Variants in PDE10A observed in about 807,000 individuals in gnomAD.
PDE10A encodes the protein cAMP and cAMP-inhibited cGMP 3',5'-cyclic phosphodiesterase 10A.
A neutral mutation model predicts 97.7 loss-of-function variants in PDE10A; 39 were observed. That is an observed-to-expected ratio of 0.40 (90% confidence interval 0.31 to 0.52). PDE10A has a LOEUF of 0.52. Ranked by LOEUF, PDE10A falls within the 20% of genes least tolerant of loss-of-function variation. PDE10A has a pLI of 0.56. For missense variants in PDE10A, 731 were observed against 1,047.8 expected (o/e 0.70, Z 4.17); for synonymous variants, 371 against 376.8 (o/e 0.98, Z 0.18).
chr6:165,793,701 G>T (rs573293768), intron 1 of PDE10A, among the ~76,000 whole-genome samples: 1 of 152,188 alleles, frequency 6.6e-6, no homozygotes. Flanking sequence ...TTGGCCAAGT[G>T]GTGGCACTTA....
intron 2 of PDE10A, among the ~76,000 whole-genome samples, chr6:165,521,116 T>A (rs1158325658): frequency 1.3e-5 from 2 of 152,196 alleles, no homozygotes; most frequent in Non-Finnish European, 2.9e-5. Flanking sequence ...CATCATTATA[T>A]CTGTTATAGT....
At chr6:165,927,075 TG>T (rs1159637015) in intron 1 of PDE10A, among the ~76,000 whole-genome samples, 2 of 20,732 alleles carry the variant, frequency 9.6e-5, no homozygotes, top group East Asian at 1.2e-3. Flanking sequence ...TGGGGCCTGT[TG>T]GGGGGTGGGG....
At chr6:165,592,110 A>C (rs1461371901) in intron 1 of PDE10A, among the ~76,000 whole-genome samples, 4 of 152,204 alleles carry the variant, frequency 2.6e-5, no homozygotes, top group African/African-American at 9.7e-5. Flanking sequence ...AAACAGATAT[A>C]TATAGACCAA....
intron 1 of PDE10A, among the ~76,000 whole-genome samples, chr6:165,553,709 C>A (rs1784122472): frequency 6.6e-6 from 1 of 152,164 alleles, no homozygotes; most frequent in African/African-American, 2.4e-5. Context: ...AAGATAAATT[C>A]CATACTGCTG....
rs139258159 is a variant in PDE10A, at chr6:165,458,662, G to C, written c.1024-8300C>G. On this transcript the variant is annotated intron_variant, in intron 3 of 21. Transcript: ENST00000539869. ...CAATCTTTCTCTCCACACATGGACA[G>C]GCGCACGCACACACACACACACTCA... 2.2e-4 allele frequency among the ~76,000 whole-genome samples: 33 copies of C among 151,402 alleles called. 1 individual carries two copies. In the East Asian group the frequency reaches 5.4e-3, roughly 25 times the overall value.
intron 1 of PDE10A, among the ~76,000 whole-genome samples, chr6:165,646,008 C>G (rs1373254367): frequency 1.3e-5 from 2 of 152,144 alleles, no homozygotes; most frequent in Admixed American, 1.3e-4. Context: ...GGCAAAATAA[C>G]CCAGCAAGAC....
At chr6:165,358,497 A>C (rs1783178507) in intron 18 of PDE10A, among the ~76,000 whole-genome samples, 1 of 139,642 alleles carries the variant, frequency 7.2e-6, no homozygotes, top group Non-Finnish European at 1.5e-5. Flanking sequence ...TACAATTTTA[A>C]TATAGGTACA....
intron 1 of PDE10A, among the ~76,000 whole-genome samples, chr6:165,575,621 C>A (rs1785264302): frequency 6.6e-6 from 1 of 152,172 alleles, no homozygotes; most frequent in Non-Finnish European, 1.5e-5. Flanking sequence ...GAAACATGAT[C>A]AACAACAACA....
chr6:165,338,044 A>G (rs1241785987), intron 20 of PDE10A, among the ~76,000 whole-genome samples: 3 of 152,242 alleles, frequency 2.0e-5, no homozygotes, highest in African/African-American at 4.8e-5. Flanking sequence ...ATATATGGGA[A>G]AATTCCATGA....
At chr6:165,649,787 T>C (rs1306680939) in intron 1 of PDE10A, among the ~76,000 whole-genome samples, 1 of 152,240 alleles carries the variant, frequency 6.6e-6, no homozygotes, top group Non-Finnish European at 1.5e-5. Context: ...CGCTAGTATC[T>C]AAAGCTCATG....
At position 165,500,287 on chromosome 6, in the gene PDE10A, AAGAG is replaced by A. The variant is rs555659348; in HGVS notation, c.995-17948_995-17945del. 3.2e-3 allele frequency among the ~76,000 whole-genome samples: 493 copies of A among 152,272 alleles called. 2 individuals carry two copies. Among genetic ancestry groups the A allele is most frequent in the African/African-American group, 0.011 (447 of 41,552 alleles). On this transcript the variant is annotated intron_variant, in intron 2 of 21. Transcript: ENST00000539869. ...TACTCACAGATGGCATTGTGCAGAAAAGAGAGAGAGATCAGACTGTTACTGTGTC... is the reference window on the plus strand; with the variant it reads ...TACTCACAGATGGCATTGTGCAGAAAAGAGAGATCAGACTGTTACTGTGTC...
chr6:165,588,705 A>G (rs1786071649), intron 1 of PDE10A, among the ~76,000 whole-genome samples: 1 of 152,338 alleles, frequency 6.6e-6, no homozygotes, highest in African/African-American at 2.4e-5. Context: ...ATATGATGTC[A>G]TAGTTCATGA....
At chr6:165,375,021 G>A (rs1583149014) in intron 18 of PDE10A, among the ~76,000 whole-genome samples, 2 of 152,228 alleles carry the variant, frequency 1.3e-5, no homozygotes, top group East Asian at 1.9e-4. Context: ...AATGTTGTGT[G>A]TATTCAGACT....
intron 1 of PDE10A, among the ~76,000 whole-genome samples, chr6:165,597,681 TA>T (rs1469982038): frequency 1.3e-4 from 20 of 152,244 alleles, no homozygotes; most frequent in Non-Finnish European, 2.8e-4. Context: ...ATGACTACTT[TA>T]CATGTTCCAG....
intron 13 of PDE10A, among the ~76,000 whole-genome samples, chr6:165,403,900 G>A (rs781479398): frequency 2.6e-4 from 40 of 152,214 alleles, no homozygotes; most frequent in Middle Eastern, 3.4e-3. Context: ...TGCAAGTTAC[G>A]CGATTTCATT....
chr6:165,759,536 G>GTC (rs1265131841), intron 1 of PDE10A, among the ~76,000 whole-genome samples: 2 of 152,100 alleles, frequency 1.3e-5, no homozygotes, highest in Admixed American at 6.5e-5. Context: ...CCCACAGTTT[G>GTC]TCTCTCTCTA....
At chr6:165,938,321 T>TCCA (rs1400232727) in intron 1 of PDE10A, among the ~76,000 whole-genome samples, 4 of 152,224 alleles carry the variant, frequency 2.6e-5, no homozygotes, top group Non-Finnish European at 5.9e-5. Flanking sequence ...CATCTCTGAA[T>TCCA]AAGTTGTGTA....
At chr6:165,333,951 A>G (rs1010898307) in intron 21 of PDE10A, among the ~76,000 whole-genome samples, 3 of 152,246 alleles carry the variant, frequency 2.0e-5, no homozygotes, top group Non-Finnish European at 4.4e-5. Context: ...TCTTTTAGCA[A>G]ACATGCTAAG....
rs1427619099 is a variant in PDE10A at position 165,855,030 on chromosome 6, A to AATGC, written c.-615+132495_-615+132498dup. ...GAATGAATGAATGAATGAATGAATG[A>AATGC]ATGCATGAATGAATGAAGAGGGAAG... On this transcript the variant is annotated intron_variant, in intron 1 of 19. Transcript: ENST00000366882. Among the ~76,000 whole-genome samples the AATGC allele has an allele frequency of 1.5e-4, 22 of 143,604 alleles. 1 individual carries two copies. Among genetic ancestry groups the AATGC allele is most frequent in the Middle Eastern group, 7.2e-3 (2 of 278 alleles). The allele number at this position is 143,604 out of a possible 152,430, so 94.2% of individuals were successfully genotyped here.
Sources: allele counts gnomAD v4.1 joint callset (sites outside exome capture counted in the v4.1 genomes callset), GRCh38; gene constraint gnomAD v4.1.1; transcripts MANE v1.5; gene names NCBI Gene and HGNC (gene_info 2026-07-23, HGNC 2026-07-21).